TMEM108: variants seen among roughly 807,000 people sequenced by gnomAD.
TMEM108 encodes transmembrane protein 108, also known as cancer/testis antigen 124.
In TMEM108, 12 loss-of-function variants were observed where a neutral mutation model predicts 35.1. The ratio of observed to expected loss-of-function variants is 0.34; its 90% confidence interval spans 0.22 to 0.55. The LOEUF (loss-of-function observed/expected upper bound fraction) is 0.55, where lower values mean the gene tolerates loss of function less well. Ranked by LOEUF, TMEM108 falls within the 20% of genes least tolerant of loss-of-function variation. TMEM108 has a pLI of 0.89. For synonymous variants in TMEM108, 287 were observed against 308.6 expected (o/e 0.93, Z 0.73); for missense variants, 680 against 753.3 (o/e 0.90, Z 1.14).
chr3:133,160,059 C>G (rs1944939129), intron 2 of TMEM108, among the ~76,000 whole-genome samples: 1 of 152,180 alleles, frequency 6.6e-6, no homozygotes, highest in Non-Finnish European at 1.5e-5. Context: ...CAGACGCCTT[C>G]TTTGTGGAGG....
chr3:133,230,497 A>T (rs1436810336), intron 3 of TMEM108, among the ~76,000 whole-genome samples: 2 of 152,198 alleles, frequency 1.3e-5, no homozygotes, highest in Admixed American at 1.3e-4. Flanking sequence ...TTAAAAAATG[A>T]TAAGCTTGTT....
At chr3:133,320,596 TG>T (rs1156704035) in intron 3 of TMEM108, among the ~76,000 whole-genome samples, 1 of 152,158 alleles carries the variant, frequency 6.6e-6, no homozygotes, top group Non-Finnish European at 1.5e-5. Context: ...AAAACATATT[TG>T]GGGGAATAAT....
At chr3:133,116,054 C>A (rs1185891516) in intron 2 of TMEM108, among the ~76,000 whole-genome samples, 1 of 152,156 alleles carries the variant, frequency 6.6e-6, no homozygotes, top group Non-Finnish European at 1.5e-5. Flanking sequence ...CACAGGCCAT[C>A]AAGTATTGGA....
At chr3:133,321,890 A>G (rs1179370925) in intron 3 of TMEM108, among the ~76,000 whole-genome samples, 1 of 152,190 alleles carries the variant, frequency 6.6e-6, no homozygotes, top group Non-Finnish European at 1.5e-5. Flanking sequence ...TCAAAACTAT[A>G]GAAATACATG....
At chr3:133,290,036 G>T (rs1947040493) in intron 3 of TMEM108, among the ~76,000 whole-genome samples, 1 of 152,214 alleles carries the variant, frequency 6.6e-6, no homozygotes, top group Non-Finnish European at 1.5e-5. Flanking sequence ...CAGAGTCCCT[G>T]CCCCGATGAG....
intron 5 of TMEM108, among the ~76,000 whole-genome samples, chr3:133,395,048 G>A (rs1410104763): frequency 6.6e-6 from 1 of 152,102 alleles, no homozygotes; most frequent in Non-Finnish European, 1.5e-5. Context: ...CCAAATCCAA[G>A]TACAGCCATT....
chr3:133,231,790 G>A (rs1308329132), intron 3 of TMEM108, among the ~76,000 whole-genome samples: 2 of 152,160 alleles, frequency 1.3e-5, no homozygotes, highest in South Asian at 4.2e-4. Context: ...CAGTTCATAA[G>A]TCATTATTAA....
At chr3:133,379,678 C>T in intron 3 of TMEM108, 74 bp from the exon 4 acceptor site, 1 of 1,469,930 alleles carries the variant, frequency 6.8e-7, no homozygotes, top group South Asian at 1.3e-5. Flanking sequence ...CTGTCCTAGG[C>T]CACAGGTAAG....
In TMEM108 at chr3:133,334,399, G is replaced by A. The variant is rs2071450887; in HGVS notation, c.41-45353G>A. ...TTAAGGCCATTGAGAGAAGCAGATT[G>A]TCAGGAAAATCCGTGAGGTTCGAGC... On this transcript the variant is annotated intron_variant, in intron 3 of 5. Transcript: ENST00000321871. Among the ~76,000 whole-genome samples the A allele has an allele frequency of 2.6e-5, 4 of 152,286 alleles. No individual in the cohort carries two copies. The South Asian group carries it at 8.3e-4, about 32-fold the overall frequency.
intron 1 of TMEM108, among the ~76,000 whole-genome samples, chr3:133,041,093 G>A (rs943239269): frequency 6.6e-6 from 1 of 152,202 alleles, no homozygotes; most frequent in African/African-American, 2.4e-5. Flanking sequence ...GGAAGCATTG[G>A]GGAAAGAGGA....
chr3:133,225,754 C>G (rs1456202322), intron 2 of TMEM108, among the ~76,000 whole-genome samples: 1 of 151,796 alleles, frequency 6.6e-6, no homozygotes, highest in East Asian at 1.9e-4. Flanking sequence ...ATAGAACTCA[C>G]TGTACAAGTG....
At chr3:133,194,713 G>A (rs1425246600) in intron 2 of TMEM108, among the ~76,000 whole-genome samples, 1 of 152,066 alleles carries the variant, frequency 6.6e-6, no homozygotes, top group African/African-American at 2.4e-5. Context: ...ATAAGGAGCA[G>A]CTTTCTTATG....
chr3:133,056,180 T>C (rs960266095), intron 2 of TMEM108, among the ~76,000 whole-genome samples: 2 of 137,658 alleles, frequency 1.5e-5, no homozygotes, highest in African/African-American at 5.7e-5. Context: ...GCTTTATAAG[T>C]TGGCATAAAG....
intron 3 of TMEM108, among the ~76,000 whole-genome samples, chr3:133,251,259 A>G (rs1217612595): frequency 2.6e-5 from 4 of 152,214 alleles, no homozygotes; most frequent in African/African-American, 9.6e-5. Context: ...ATTAAAACAA[A>G]CAAAATTTTA....
chr3:133,119,389 C>T (rs1470365957), intron 2 of TMEM108: 1 of 152,178 alleles, frequency 6.6e-6, no homozygotes, highest in Non-Finnish European at 1.5e-5. Flanking sequence ...TATAAACACT[C>T]ATTTAAAAAT....
chr3:133,154,548 T>C (rs990040444), intron 2 of TMEM108, among the ~76,000 whole-genome samples: 6 of 152,128 alleles, frequency 3.9e-5, no homozygotes, highest in South Asian at 2.1e-4. Context: ...ATGATGAGTT[T>C]ATGTCCTTTG....
rs147943515 is a variant in TMEM108, at chr3:133,200,235, C to A, written c.-46-29031C>A. Among the ~76,000 whole-genome samples the A allele has an allele frequency of 6.6e-5, 10 of 152,298 alleles. No homozygotes were observed. The East Asian group carries it at 1.9e-3, about 29-fold the overall frequency. ...CTTACCAGGTGAGGCAATGCCTCGC[C>A]CTGCTTCTGCTTATGCTCGGTAGGC... On this transcript the variant is annotated intron_variant, in intron 2 of 5. Transcript: ENST00000321871.
At chr3:133,204,200 A>T in intron 2 of TMEM108, among the ~76,000 whole-genome samples, 1 of 150,510 alleles carries the variant, frequency 6.6e-6, no homozygotes, top group African/African-American at 2.4e-5. Flanking sequence ...CTTTTTTATT[A>T]GCCTGGTTGG....
intron 2 of TMEM108, among the ~76,000 whole-genome samples, chr3:133,147,014 G>A (rs549552241): frequency 9.2e-5 from 14 of 152,042 alleles, no homozygotes; most frequent in Middle Eastern, 3.4e-3. Flanking sequence ...ATTTGAATTC[G>A]TTTGCTCTTG....
Sources: gnomAD v4.1 joint callset for allele counts (sites outside exome capture counted in the v4.1 genomes callset) on GRCh38, gnomAD v4.1.1 for gene constraint, MANE v1.5 for transcripts, NCBI Gene and HGNC (gene_info 2026-07-23, HGNC 2026-07-21) for gene names.